PDK1: variants seen among roughly 807,000 people sequenced by gnomAD.
The protein encoded by PDK1 is [Pyruvate dehydrogenase (acetyl-transferring)] kinase isozyme 1, mitochondrial.
A neutral mutation model predicts 54.2 loss-of-function variants in PDK1; 39 were observed. The observed-to-expected ratio is 0.72, with a 90% CI of 0.56 to 0.94. The LOEUF is 0.94. PDK1 is among the 40% of genes least tolerant of loss of function. The pLI is 0.00. For synonymous variants in PDK1, 221 were observed against 207.1 expected, an observed-to-expected ratio of 1.07 and a Z score of -0.58; for missense variants, 552 against 566.0, an observed-to-expected ratio of 0.98 and a Z score of 0.25.
chr2:172,560,881 A>G (rs1688620058), intron 2 of PDK1, among the ~76,000 whole-genome samples: 1 of 152,240 alleles, frequency 6.6e-6, no homozygotes. Context: ...TGAGTTGCCC[A>G]GAGTTAAGTC....
At chr2:172,698,904 G>A in the PDK1 span, among the ~76,000 whole-genome samples, 4 of 152,302 alleles carry the variant, frequency 2.6e-5, no homozygotes, top group East Asian at 7.7e-4. Context: ...TTTATGTGCT[G>A]CTAGGATGAG....
In PDK1 at chr2:172,592,966, G is replaced by T; in HGVS notation, c.1088G>T (p.Arg363Leu). The change falls in exon 10 of 11, where the codon CGT becomes CTT. Residue 363 changes from arginine to leucine, a missense_variant. Physicochemically the swap from Arg to Leu is moderately radical, Grantham distance 102. Coordinates refer to ENST00000282077, the MANE Select transcript of PDK1 (RefSeq NM_002610.5). ...TTTGGTTATGGATTGCCCATATCAC[G>T]TCTTTACGCACAATACTTCCAAGGA... is the stretch of plus-strand genomic sequence containing the variant. ...AGFGYGLPIS[R>L]LYAQYFQGDL... is the part of the protein sequence containing the mutation. 1 of 1,612,194 alleles carries T rather than the reference G, an allele frequency of 6.2e-7. No homozygotes were observed. Among genetic ancestry groups the T allele is most frequent in the Non-Finnish European group, 8.5e-7 (1 of 1,178,632 alleles).
At chr2:172,595,079 G>A (rs112640962) in intron 10 of PDK1, among the ~76,000 whole-genome samples, 2 of 152,228 alleles carry the variant, frequency 1.3e-5, no homozygotes, top group African/African-American at 4.8e-5. Flanking sequence ...AAATTTTTAT[G>A]TATTTATAGA....
intron 8 of PDK1, among the ~76,000 whole-genome samples, chr2:172,576,461 G>T: frequency 6.7e-6 from 1 of 149,376 alleles, no homozygotes; most frequent in Non-Finnish European, 1.5e-5. Flanking sequence ...TTATTTCATT[G>T]ATTTTCTCCA....
chr2:172,706,640 G>C, the PDK1 span, among the ~76,000 whole-genome samples: 48 of 152,228 alleles, frequency 3.2e-4, no homozygotes, highest in East Asian at 7.2e-3. Context: ...TGTTGCCCAG[G>C]CTGGTCTCAA....
At chr2:172,629,158 A>G in the PDK1 span, among the ~76,000 whole-genome samples, 8,024 of 152,190 alleles carry the variant, frequency 0.053, 408 homozygotes, top group East Asian at 0.22. Context: ...GGCACCTTTC[A>G]TCTTTGTACA....
the PDK1 span, chr2:172,723,064 T>TCTGATGAA: frequency 6.6e-6 from 1 of 152,086 alleles, no homozygotes; most frequent in East Asian, 1.9e-4. Flanking sequence ...TGAAGTCTAT[T>TCTGATGAA]CTGATGAACC....
chr2:172,573,284 G>T (rs1191111899), intron 8 of PDK1, among the ~76,000 whole-genome samples: 4 of 152,104 alleles, frequency 2.6e-5, no homozygotes, highest in Non-Finnish European at 5.9e-5. Context: ...AGACATTATT[G>T]TGAGTGTGAA....
At chr2:172,683,344 C>CA in the PDK1 span, among the ~76,000 whole-genome samples, 6,952 of 129,892 alleles carry the variant, frequency 0.054, 323 homozygotes, top group East Asian at 0.23. Context: ...GAAACTCCGT[C>CA]AAAAAAAAAA....
In PDK1 at chr2:172,604,863, G is replaced by A. The variant is rs907574017; in HGVS notation, c.*8894G>A. On this transcript the variant is annotated 3_prime_UTR_variant, in exon 11 of 11. Transcript: ENST00000282077. ...CGAGATTATTTTGGAGCTTTATATT[G>A]GGTATGTTCTTATCCAACTATCATT... 9 of 152,112 alleles carry A rather than the reference G, an allele frequency of 5.9e-5. No individual in the cohort carries two copies. The highest frequency in any genetic ancestry group is 9.7e-5 in the African/African-American group (4 of 41,412). 9.4% of individuals were successfully genotyped at this position (152,112 alleles called of 1,614,324 possible). A position where few individuals can be genotyped will look rare whatever the true frequency, so the allele number is the denominator to read the frequency against.
chr2:172,627,914 A>T, the PDK1 span, among the ~76,000 whole-genome samples: 1 of 152,214 alleles, frequency 6.6e-6, no homozygotes, highest in Non-Finnish European at 1.5e-5. Flanking sequence ...CTGAACTCTG[A>T]CCACCATCTT....
chr2:172,562,044 TC>T (rs1688680335), intron 2 of PDK1, among the ~76,000 whole-genome samples, 175 bp from the exon 3 acceptor site: 2 of 152,210 alleles, frequency 1.3e-5, no homozygotes, highest in Admixed American at 1.3e-4. Flanking sequence ...TACCATTCAT[TC>T]CCAGCACTTT....
chr2:172,665,421 G>C, the PDK1 span, among the ~76,000 whole-genome samples: 1 of 152,276 alleles, frequency 6.6e-6, no homozygotes, highest in East Asian at 1.9e-4. Flanking sequence ...GAGAAATTAT[G>C]TTCTGAGGAC....
chr2:172,709,584 G>A, the PDK1 span, among the ~76,000 whole-genome samples: 8 of 152,126 alleles, frequency 5.3e-5, no homozygotes, highest in Admixed American at 3.3e-4. Flanking sequence ...GTCCTTGCTC[G>A]AATGGTTACA....
intron 8 of PDK1, among the ~76,000 whole-genome samples, chr2:172,585,316 A>ATTTTTTTTTT (rs538241255): frequency 5.8e-5 from 6 of 103,302 alleles, no homozygotes; most frequent in African/African-American, 2.2e-4. Flanking sequence ...TGCATTTTTA[A>ATTTTTTTTTT]TTTTTTTTTT....
At chr2:172,665,154 G>GTTTTTTTTTTTTT in the PDK1 span, among the ~76,000 whole-genome samples, 1 of 149,366 alleles carries the variant, frequency 6.7e-6, no homozygotes, top group Non-Finnish European at 1.5e-5. Flanking sequence ...GCCAAAGAAT[G>GTTTTTTTTTTTTT]TTTTTTTTTT....
At chr2:172,679,896 C>G in the PDK1 span, among the ~76,000 whole-genome samples, 1 of 152,104 alleles carries the variant, frequency 6.6e-6, no homozygotes, top group Non-Finnish European at 1.5e-5. Context: ...TCATTTAGAG[C>G]ACACCTAAAC....
At chr2:172,555,531 T>A (rs888558586), upstream of PDK1, 4 of 152,092 alleles carry the variant, frequency 2.6e-5, no homozygotes, top group Non-Finnish European at 5.9e-5. Context: ...TCAGCTTTCG[T>A]ATTTACGTAC....
the PDK1 span, among the ~76,000 whole-genome samples, chr2:172,650,880 T>C: frequency 0.053 from 8,023 of 152,176 alleles, 404 homozygotes; most frequent in East Asian, 0.22. Flanking sequence ...ACAATAATAA[T>C]GGGAGACTTT....
Sources: gnomAD v4.1 joint callset for allele counts (sites outside exome capture counted in the v4.1 genomes callset) on GRCh38, gnomAD v4.1.1 for gene constraint, MANE v1.5 for transcripts, NCBI Gene and HGNC (gene_info 2026-07-23, HGNC 2026-07-21) for gene names.